The following NEMP2 variants were observed in gnomAD, a reference collection of about 807,000 sequenced individuals.
NEMP2 encodes the protein nuclear envelope integral membrane protein 2.
Under a neutral mutation model 54.2 loss-of-function variants are expected in NEMP2, and 53 were observed. That is an observed-to-expected ratio of 0.98 (90% confidence interval 0.78 to 1.23). NEMP2 has a LOEUF of 1.23. Among genes scored for constraint, NEMP2 ranks in the 50% most tolerant of loss-of-function variants. The pLI is 0.00. For missense variants in NEMP2, 455 were observed against 511.3 expected (o/e 0.89, Z 1.06); for synonymous variants, 197 against 190.3 (o/e 1.04, Z -0.29).
chr2:190,637,966 T>A, the NEMP2 span, among the ~76,000 whole-genome samples: 3 of 152,198 alleles, frequency 2.0e-5, no homozygotes, highest in Non-Finnish European at 2.9e-5. This position sits in a 1 kb window ranked among gnomAD's most constrained non-coding sequence, Gnocchi z 4.5. Context: ...ATCACGTTCT[T>A]CCTTGTCAGG....
the NEMP2 span, among the ~76,000 whole-genome samples, chr2:190,621,895 G>C: frequency 2.0e-5 from 3 of 152,128 alleles, no homozygotes; most frequent in Admixed American, 2.0e-4. Flanking sequence ...ACTCACCCGA[G>C]GTCAGGGGTT....
chr2:190,457,612 G>A, the NEMP2 span, among the ~76,000 whole-genome samples: 1 of 152,196 alleles, frequency 6.6e-6, no homozygotes, highest in Non-Finnish European at 1.5e-5. This position sits in a 1 kb window ranked among gnomAD's most constrained non-coding sequence, Gnocchi z 5.1. Context: ...AGACACTTCT[G>A]CATGTACTGG....
the NEMP2 span, among the ~76,000 whole-genome samples, chr2:190,635,124 C>A: frequency 6.6e-6 from 1 of 152,208 alleles, no homozygotes; most frequent in Non-Finnish European, 1.5e-5. The surrounding 1 kb of genome is among the most constrained non-coding windows in gnomAD (Gnocchi z 4.1). Flanking sequence ...TACTTACAGG[C>A]TACCATTGCA....
In NEMP2 at chr2:190,527,785, T is replaced by A. The variant is rs1250537072; in HGVS notation, c.98-2407A>T. The stretch of plus-strand genomic sequence containing the variant: ...CCTCCTGTCAGATCAGCAGTGGCAT[T>A]AGATTATCATAGGAGCGTGAACCTT... On this transcript the variant is annotated intron_variant, in intron 1 of 8. Transcript: ENST00000409150. The surrounding 1 kb of genome is among the most constrained non-coding windows in gnomAD (Gnocchi z 4.0). 6.6e-6 allele frequency among the ~76,000 whole-genome samples: 1 copy of A among 152,142 alleles called. No homozygotes were observed. The highest frequency in any genetic ancestry group is 2.4e-5 in the African/African-American group (1 of 41,426).
Position 190,533,263 on chromosome 2 carries a change from T to C in NEMP2, c.97+1296A>G, listed in dbSNP as rs537707181. Among the ~76,000 whole-genome samples, 10 of 152,320 alleles carry C rather than the reference T, an allele frequency of 6.6e-5. No individual in the cohort carries two copies. The East Asian group carries it at 1.9e-3, about 29-fold the overall frequency. On this transcript the variant is annotated intron_variant, in intron 1 of 8. Coordinates refer to ENST00000409150, the MANE Select transcript of NEMP2 (RefSeq NM_001142645.2). This position sits in a 1 kb window ranked among gnomAD's most constrained non-coding sequence, Gnocchi z 4.3. ...GTGCTGGTCTAAGGCTACTTCTAAT[T>C]TTCTCGCTGTTGCCATGCCCAGAAA...
At chr2:190,518,399 C>A (rs567031556) in intron 4 of NEMP2, among the ~76,000 whole-genome samples, 2 of 152,216 alleles carry the variant, frequency 1.3e-5, no homozygotes, top group East Asian at 3.9e-4. Context: ...GAACAAATCT[C>A]CAGCCCTGAT....
chr2:190,494,119 CAAGAA>C, the NEMP2 span, among the ~76,000 whole-genome samples: 9 of 151,788 alleles, frequency 5.9e-5, no homozygotes, highest in East Asian at 3.9e-4. This position sits in a 1 kb window ranked among gnomAD's most constrained non-coding sequence, Gnocchi z 5.7. Flanking sequence ...CAAGATTAAC[CAAGAA>C]AAGAAAAGAG....
the NEMP2 span, among the ~76,000 whole-genome samples, chr2:190,575,981 T>TC: frequency 0.017 from 2,500 of 151,106 alleles, 77 homozygotes; most frequent in African/African-American, 0.057. Context: ...TGGTTTACTT[T>TC]TTTTTTTTTT....
the NEMP2 span, chr2:190,626,716 C>T: frequency 6.6e-6 from 1 of 152,230 alleles, no homozygotes; most frequent in Non-Finnish European, 1.5e-5. This position sits in a 1 kb window ranked among gnomAD's most constrained non-coding sequence, Gnocchi z 4.5. Flanking sequence ...CCAGTCATGC[C>T]TCATCCACAT....
chr2:190,527,313 G>A lies in NEMP2; in HGVS notation c.98-1935C>T, dbSNP rs1037338669. Among the ~76,000 whole-genome samples the A allele has an allele frequency of 3.9e-5, 6 of 152,216 alleles. 1 individual carries two copies. Among genetic ancestry groups the A allele is most frequent in the Admixed American group, 3.9e-4 (6 of 15,294 alleles). On this transcript the variant is annotated intron_variant, in intron 1 of 8. Transcript: ENST00000409150. This position sits in a 1 kb window ranked among gnomAD's most constrained non-coding sequence, Gnocchi z 4.0. ...AATAATACTGAATATGCTCACACAA[G>A]GCCCTGGTCCTGGCCTGAAATATCC...
At chr2:190,462,143 A>G in the NEMP2 span, among the ~76,000 whole-genome samples, 1 of 152,080 alleles carries the variant, frequency 6.6e-6, no homozygotes, top group South Asian at 2.1e-4. The surrounding 1 kb of genome is among the most constrained non-coding windows in gnomAD (Gnocchi z 5.7). Flanking sequence ...TTGTTTTTGT[A>G]TTAATATAAT....
chr2:190,497,696 G>T, the NEMP2 span: 13 of 1,613,970 alleles, frequency 8.1e-6, no homozygotes, highest in Non-Finnish European at 1.0e-5. The surrounding 1 kb of genome is among the most constrained non-coding windows in gnomAD (Gnocchi z 5.2). Flanking sequence ...AGACAACCGT[G>T]CTTCTGAGAT....
At chr2:190,638,989 C>T in the NEMP2 span, among the ~76,000 whole-genome samples, 2 of 152,100 alleles carry the variant, frequency 1.3e-5, no homozygotes, top group Admixed American at 6.5e-5. This position sits in a 1 kb window ranked among gnomAD's most constrained non-coding sequence, Gnocchi z 5.7. Flanking sequence ...CAGTGAACGT[C>T]ACATTTTGAA....
chr2:190,474,442 A>G, the NEMP2 span, among the ~76,000 whole-genome samples: 1 of 152,260 alleles, frequency 6.6e-6, no homozygotes, highest in Non-Finnish European at 1.5e-5. Flanking sequence ...AAACACCTCT[A>G]TGCAAATAAA....
rs566096129 is a variant in NEMP2, at chr2:190,506,401, T to A, written c.*2788A>T. On this transcript the variant is annotated 3_prime_UTR_variant, in exon 9 of 9. Coordinates refer to ENST00000409150, the MANE Select transcript of NEMP2 (RefSeq NM_001142645.2). This position sits in a 1 kb window ranked among gnomAD's most constrained non-coding sequence, Gnocchi z 6.3. ...TCTCACTCTGGGAAACAATCACACA[T>A]AGCATAATGTAAGAGAGCATTTCTT... is the stretch of plus-strand genomic sequence containing the variant. The A allele has an allele frequency of 6.6e-6, 1 of 152,338 alleles. No individual in the cohort carries two copies. Among genetic ancestry groups the A allele is most frequent in the East Asian group, 1.9e-4 (1 of 5,194 alleles). The allele number at this position is 152,338 out of a possible 1,614,324, so 9.4% of individuals were successfully genotyped here.
At chr2:190,565,698 C>A in the NEMP2 span, among the ~76,000 whole-genome samples, 8 of 152,312 alleles carry the variant, frequency 5.3e-5, no homozygotes, top group Middle Eastern at 3.4e-3. Flanking sequence ...TGAATTGCAT[C>A]TCCCCAAAAT....
intron 1 of NEMP2, among the ~76,000 whole-genome samples, chr2:190,526,623 T>C (rs1221836981): frequency 1.3e-5 from 2 of 152,334 alleles, no homozygotes; most frequent in South Asian, 2.1e-4. Flanking sequence ...AGATTCATTT[T>C]ATCAAGGAAA....
chr2:190,460,381 C>T, the NEMP2 span, among the ~76,000 whole-genome samples: 6 of 152,170 alleles, frequency 3.9e-5, no homozygotes, highest in Non-Finnish European at 8.8e-5. Flanking sequence ...ATACCATAAT[C>T]AGATATCTTA....
chr2:190,484,769 A>G, the NEMP2 span, among the ~76,000 whole-genome samples: 1 of 152,190 alleles, frequency 6.6e-6, no homozygotes, highest in Non-Finnish European at 1.5e-5. Flanking sequence ...TATCTAAGAA[A>G]TGAGATGAAT....
Sources: gnomAD v4.1 joint callset for allele counts (sites outside exome capture counted in the v4.1 genomes callset) on GRCh38, gnomAD v4.1.1 for gene constraint, Gnocchi (gnomAD v3.1) non-coding constraint, MANE v1.5 for transcripts, NCBI Gene and HGNC (gene_info 2026-07-23, HGNC 2026-07-21) for gene names.